The following NRXN3 variants were observed in gnomAD, a reference collection of about 807,000 sequenced individuals.
NRXN3 encodes neurexin 3.
A neutral mutation model predicts 137.6 loss-of-function variants in NRXN3; 32 were observed. The ratio of observed to expected loss-of-function variants is 0.23; its 90% CI spans 0.18 to 0.31. NRXN3 has a LOEUF of 0.31. Ranked by LOEUF, NRXN3 falls within the 10% of genes least tolerant of loss-of-function variation. The probability of loss-of-function intolerance (pLI) is 1.00; values close to 1 mark genes in which losing one functional copy is unlikely to be tolerated. For missense variants in NRXN3, 1,574 were observed against 2,062.5 expected (o/e 0.76, Z 4.59); for synonymous variants, 798 against 784.5 (o/e 1.02, Z -0.29).
Position 79,864,280 on chromosome 14 carries a change from T to G in NRXN3, c.*2316T>G, listed in dbSNP as rs987527643. 6.5e-6 allele frequency: 1 copy of G among 152,712 alleles called. No homozygotes were observed. The highest frequency in any genetic ancestry group is 1.5e-5 in the Non-Finnish European group (1 of 68,040). 9.5% of individuals were successfully genotyped at this position (152,712 alleles called of 1,614,324 possible). A position where few individuals can be genotyped will look rare whatever the true frequency, so the allele number is the denominator to read the frequency against. ...GCATTCTCTATGTGAGCTTCTATCATATTCCTGTTTTATTAGCAGAACCTA... is the reference window on the plus strand; with the variant it reads ...GCATTCTCTATGTGAGCTTCTATCAGATTCCTGTTTTATTAGCAGAACCTA... On this transcript the variant is annotated 3_prime_UTR_variant, in exon 21 of 21. Transcript: ENST00000335750.
In NRXN3 at chr14:79,357,331, CT is replaced by C. The variant is rs574071609; in HGVS notation, c.3263-109884del. Among the ~76,000 whole-genome samples, 377 of 152,072 alleles carry C rather than the reference CT, an allele frequency of 2.5e-3. 2 individuals carry two copies. The highest frequency in any genetic ancestry group is 8.8e-3 in the African/African-American group (366 of 41,492). On this transcript the variant is annotated intron_variant, in intron 15 of 20. Transcript: ENST00000335750. ...AGTATTCATAATTTATTATAAACTT[CT>C]TTTTTAAAAAAATAAAAAAAATTAA...
At chr14:78,568,150 G>A (rs763733169) in intron 4 of NRXN3, among the ~76,000 whole-genome samples, 12 of 152,174 alleles carry the variant, frequency 7.9e-5, no homozygotes, top group Non-Finnish European at 1.0e-4. Context: ...CTTCAGTGCC[G>A]AATGTCTGTG....
intron 10 of NRXN3, among the ~76,000 whole-genome samples, chr14:78,901,521 A>AT (rs1170446247): frequency 6.6e-6 from 1 of 152,142 alleles, no homozygotes; most frequent in Non-Finnish European, 1.5e-5. Flanking sequence ...AAACATAATC[A>AT]TTTTGAGACT....
intron 15 of NRXN3, among the ~76,000 whole-genome samples, chr14:79,054,260 T>C (rs1381047135): frequency 2.6e-5 from 4 of 151,916 alleles, no homozygotes; most frequent in Admixed American, 1.3e-4. Context: ...TGTATACATA[T>C]GTAAGAAACC....
intron 15 of NRXN3, among the ~76,000 whole-genome samples, chr14:79,215,300 C>T (rs1194480738): frequency 6.6e-6 from 1 of 152,026 alleles, no homozygotes; most frequent in Admixed American, 6.6e-5. Context: ...ATAATATTTG[C>T]AGCTTGGTCA....
At chr14:79,172,219 A>AT (rs1351796441) in intron 15 of NRXN3, among the ~76,000 whole-genome samples, 1 of 152,010 alleles carries the variant, frequency 6.6e-6, no homozygotes, top group Non-Finnish European at 1.5e-5. Flanking sequence ...ACTGTGAAGC[A>AT]TGTATCCCTG....
At chr14:78,985,687 C>G (rs2099501572) in intron 14 of NRXN3, among the ~76,000 whole-genome samples, 2 of 152,178 alleles carry the variant, frequency 1.3e-5, no homozygotes, top group Admixed American at 6.5e-5. Flanking sequence ...TTCCATAAAC[C>G]TTCCATGTGT....
intron 8 of NRXN3, among the ~76,000 whole-genome samples, chr14:78,776,180 A>T (rs1343293388): frequency 6.6e-6 from 1 of 152,234 alleles, no homozygotes; most frequent in Non-Finnish European, 1.5e-5. Flanking sequence ...TCAAGCATGT[A>T]TACATATAAT....
intron 15 of NRXN3, among the ~76,000 whole-genome samples, chr14:79,156,095 C>A (rs1235588092): frequency 6.6e-6 from 1 of 151,698 alleles, no homozygotes; most frequent in East Asian, 1.9e-4. Flanking sequence ...ATAAAACAAC[C>A]ATCACAACAA....
intron 20 of NRXN3, among the ~76,000 whole-genome samples, chr14:79,807,214 A>T: frequency 6.6e-6 from 1 of 151,654 alleles, no homozygotes; most frequent in South Asian, 2.1e-4. Flanking sequence ...GCCTCAAGAA[A>T]TCCTCTCGCT....
chr14:79,388,657 A>G (rs1214638454), intron 15 of NRXN3, among the ~76,000 whole-genome samples: 1 of 152,072 alleles, frequency 6.6e-6, no homozygotes, highest in African/African-American at 2.4e-5. Context: ...ACTCCAGTTC[A>G]TCATATCCCT....
intron 4 of NRXN3, among the ~76,000 whole-genome samples, chr14:78,522,698 A>G (rs1258545412): frequency 6.6e-6 from 1 of 152,154 alleles, no homozygotes; most frequent in African/African-American, 2.4e-5. Flanking sequence ...AGAATAGCCT[A>G]TTCTTCTGTC....
chr14:78,671,453 C>T (rs989905734), intron 6 of NRXN3, among the ~76,000 whole-genome samples: 7 of 152,098 alleles, frequency 4.6e-5, no homozygotes, highest in African/African-American at 1.7e-4. Context: ...AGAAATGTTG[C>T]TATTGGGTAC....
intron 10 of NRXN3, among the ~76,000 whole-genome samples, chr14:78,912,293 A>T (rs1323242392): frequency 1.3e-5 from 2 of 150,882 alleles, no homozygotes; most frequent in South Asian, 2.1e-4. Flanking sequence ...TTTAAAAAAA[A>T]TACCCAGAAC....
intron 15 of NRXN3, among the ~76,000 whole-genome samples, chr14:79,096,110 C>CT (rs58994977): frequency 2.3e-3 from 326 of 144,614 alleles, no homozygotes; most frequent in South Asian, 4.6e-3. Flanking sequence ...TTATTCTATT[C>CT]TTTTTTTTTT....
chr14:78,254,570 T>C (rs10149437), intron 2 of NRXN3, among the ~76,000 whole-genome samples: 4,193 of 152,024 alleles, frequency 0.028, 101 homozygotes, highest in African/African-American at 0.061. Flanking sequence ...TCCCAGCTAC[T>C]TGGGAGGCTG....
chr14:79,090,732 A>G (rs1373570077), intron 15 of NRXN3, among the ~76,000 whole-genome samples: 1 of 152,138 alleles, frequency 6.6e-6, no homozygotes, highest in Admixed American at 6.6e-5. Flanking sequence ...TTTATTCCCC[A>G]CACTACATAA....
intron 1 of NRXN3, among the ~76,000 whole-genome samples, chr14:78,209,397 C>G (rs1157071399): frequency 6.6e-6 from 1 of 152,204 alleles, no homozygotes; most frequent in East Asian, 1.9e-4. Flanking sequence ...GTCCATCTTC[C>G]TATCTGCTCA....
intron 9 of NRXN3, among the ~76,000 whole-genome samples, chr14:78,805,097 T>C (rs564045722): frequency 1.3e-5 from 2 of 152,256 alleles, no homozygotes; most frequent in African/African-American, 4.8e-5. Flanking sequence ...GGAAAATGCC[T>C]ACATCATAAA....
Sources: allele counts gnomAD v4.1 joint callset (sites outside exome capture counted in the v4.1 genomes callset), GRCh38; gene constraint gnomAD v4.1.1; transcripts MANE v1.5; gene names NCBI Gene and HGNC (gene_info 2026-07-23, HGNC 2026-07-21).